DYSF: variants seen among roughly 807,000 people sequenced by gnomAD.
The protein encoded by DYSF is dysferlin.
Under a neutral mutation model 274.9 loss-of-function variants are expected in DYSF, and 212 were observed. The observed-to-expected ratio is 0.77, with a 90% CI of 0.69 to 0.86. DYSF has a LOEUF of 0.86. DYSF is among the 40% of genes least tolerant of loss of function. The pLI is 0.00. For synonymous variants in DYSF, 1,091 were observed against 1,078.7 expected (o/e 1.01, Z -0.22); for missense variants, 2,666 against 2,783.2 (o/e 0.96, Z 0.95).
chr2:71,665,461 T>C (rs892911390), intron 47 of DYSF, among the ~76,000 whole-genome samples, 157 bp downstream of exon 47: 4 of 152,106 alleles, frequency 2.6e-5, no homozygotes, highest in African/African-American at 9.7e-5. Context: ...CCACTTGCAC[T>C]TGGTACTTTG....
intron 40 of DYSF, among the ~76,000 whole-genome samples, chr2:71,618,091 G>GAT (rs2093955668): frequency 1.0e-4 from 1 of 10,014 alleles, no homozygotes; most frequent in Non-Finnish European, 2.6e-4. Context: ...GTAGAGATGG[G>GAT]GTGTGTGTGT....
chr2:71,502,079 CTGTGTG>C (rs71402986), intron 3 of DYSF, among the ~76,000 whole-genome samples: 15,567 of 143,822 alleles, frequency 0.11, 973 homozygotes, highest in Middle Eastern at 0.15. Context: ...CTCCATGACT[CTGTGTG>C]TGTGTGTGTG....
chr2:71,540,184 C>G (rs2089800840), intron 17 of DYSF, among the ~76,000 whole-genome samples: 1 of 149,796 alleles, frequency 6.7e-6, no homozygotes, highest in Non-Finnish European at 1.5e-5. Flanking sequence ...AAACTCAGCT[C>G]ACTGCAATCT....
intron 31 of DYSF, among the ~76,000 whole-genome samples, chr2:71,589,927 C>T (rs1000593411): frequency 9.9e-5 from 15 of 152,252 alleles, no homozygotes; most frequent in East Asian, 3.9e-4. Flanking sequence ...TAAGGCCCTG[C>T]GCTCTGTGGC....
At chr2:71,545,220 T>G (rs1387156571) in intron 17 of DYSF, among the ~76,000 whole-genome samples, 1 of 152,196 alleles carries the variant, frequency 6.6e-6, no homozygotes, top group Non-Finnish European at 1.5e-5. Flanking sequence ...AAAAGACTGG[T>G]TTGGCTGAGT....
intron 3 of DYSF, among the ~76,000 whole-genome samples, chr2:71,490,570 G>T (rs62143770): frequency 0.37 from 56,897 of 152,092 alleles, 11,893 homozygotes; most frequent in Non-Finnish European, 0.48. Context: ...CAGGTGATCC[G>T]CCTGCCTCGG....
chr2:71,478,969 C>T (rs1396808943), intron 1 of DYSF, among the ~76,000 whole-genome samples: 3 of 152,048 alleles, frequency 2.0e-5, no homozygotes, highest in Non-Finnish European at 4.4e-5. Context: ...GGAGGCTGCA[C>T]CTCTCCAGGC....
intron 3 of DYSF, among the ~76,000 whole-genome samples, chr2:71,500,899 C>T (rs1029091663): frequency 2.0e-5 from 3 of 152,044 alleles, no homozygotes; most frequent in African/African-American, 7.2e-5. Flanking sequence ...AAGTCACTCC[C>T]CTCTGCCACC....
intron 45 of DYSF, among the ~76,000 whole-genome samples, chr2:71,663,046 C>CAT (rs1553411892): frequency 7.3e-6 from 1 of 136,902 alleles, no homozygotes; most frequent in Admixed American, 7.3e-5. Context: ...TGTGTGCGCG[C>CAT]ACGCGCGTGG....
chr2:71,549,678 T>C (rs1388260366), intron 17 of DYSF, among the ~76,000 whole-genome samples: 2 of 133,048 alleles, frequency 1.5e-5, no homozygotes, highest in South Asian at 2.4e-4. Flanking sequence ...TGTCTGGTAG[T>C]GAGGGGTAGG....
chr2:71,570,384 G>A, intron 28 of DYSF, 50 bp downstream of exon 28: 1 of 1,587,214 alleles, frequency 6.3e-7, no homozygotes, highest in Non-Finnish European at 8.6e-7. Context: ...AAGCTCTCAA[G>A]CCATGCTGGT....
chr2:71,519,470 A>G (rs2086997241), intron 10 of DYSF, among the ~76,000 whole-genome samples: 1 of 152,156 alleles, frequency 6.6e-6, no homozygotes. Flanking sequence ...CAGTTCCCAT[A>G]TACTCCCTGC....
At chr2:71,514,240 ATC>A (rs967538740) in intron 7 of DYSF, among the ~76,000 whole-genome samples, 2 of 151,380 alleles carry the variant, frequency 1.3e-5, no homozygotes, top group Admixed American at 1.3e-4. Context: ...ACCAGGGTAT[ATC>A]CAACCAGCAA....
upstream of DYSF, among the ~76,000 whole-genome samples, chr2:71,465,746 G>A (rs1022618021): frequency 6.6e-6 from 1 of 152,198 alleles, no homozygotes; most frequent in Admixed American, 6.5e-5. Flanking sequence ...GACGGACAGT[G>A]CCCTGACAGG....
chr2:71,586,594 C>T (rs2093075178), intron 30 of DYSF, among the ~76,000 whole-genome samples: 1 of 152,118 alleles, frequency 6.6e-6, no homozygotes, highest in Non-Finnish European at 1.5e-5. Context: ...GATGCTGCTT[C>T]TGATTGCAGG....
chr2:71,535,418 T>C, intron 16 of DYSF, 107 bp downstream of exon 16: 1 of 1,223,914 alleles, frequency 8.2e-7, no homozygotes, highest in Non-Finnish European at 1.2e-6. Context: ...GAGGGAGAAG[T>C]TTCAGGTGAG....
At chr2:71,624,537 C>T (rs989826033) in intron 41 of DYSF, among the ~76,000 whole-genome samples, 4 of 151,884 alleles carry the variant, frequency 2.6e-5, no homozygotes, top group Non-Finnish European at 4.4e-5. Flanking sequence ...GCTGAAAGGC[C>T]CTAAAATACA....
Position 71,466,762 on chromosome 2 carries a change from G to A in DYSF, c.-81G>A. 1.4e-6 allele frequency: 2 copies of A among 1,415,392 alleles called. No individual in the cohort carries two copies. The highest frequency in any genetic ancestry group is 1.9e-6 in the Non-Finnish European group (2 of 1,079,184). 87.7% of individuals were successfully genotyped at this position (1,415,392 alleles called of 1,614,324 possible). On this transcript the variant is annotated 5_prime_UTR_variant, in exon 1 of 56. Transcript: ENST00000410020. ...TGGCGCGGCTGCCTGGGAGCCGGGC[G>A]CTTGCTGGGTGGGTGCTCGGGCCCG...
chr2:71,516,642 TTCTC>T (rs2086688148), intron 9 of DYSF, among the ~76,000 whole-genome samples: 1 of 152,208 alleles, frequency 6.6e-6, no homozygotes, highest in South Asian at 2.1e-4. Context: ...GAGATTCTCT[TTCTC>T]TCTGGGCCTT....
Sources: allele counts gnomAD v4.1 joint callset (sites outside exome capture counted in the v4.1 genomes callset), GRCh38; gene constraint gnomAD v4.1.1; transcripts MANE v1.5; gene names NCBI Gene and HGNC (gene_info 2026-07-23, HGNC 2026-07-21).